CELSR1: variants seen among roughly 807,000 people sequenced by gnomAD.
The protein encoded by CELSR1 is adhesion G protein-coupled receptor C1.
A neutral mutation model predicts 249.1 loss-of-function variants in CELSR1; 110 were observed. The observed-to-expected ratio is 0.44, with a 90% CI of 0.38 to 0.52. The LOEUF is 0.52. CELSR1 is among the 20% of genes least tolerant of loss of function. The pLI is 0.00. For synonymous variants in CELSR1, 2,113 were observed against 1,900.0 expected (o/e 1.11, Z -2.92); for missense variants, 4,109 against 4,296.4 (o/e 0.96, Z 1.22).
At chr22:46,385,456 C>A (rs1440061867) in intron 19 of CELSR1, among the ~76,000 whole-genome samples, 1 of 152,148 alleles carries the variant, frequency 6.6e-6, no homozygotes, top group East Asian at 1.9e-4. Flanking sequence ...GTACTTACAC[C>A]TGTCTACAGT....
At position 46,430,065 on chromosome 22, in the gene CELSR1, G is replaced by A. The variant is rs1462343677; in HGVS notation, c.4611+3328C>T. Among the ~76,000 whole-genome samples the A allele has an allele frequency of 1.3e-5, 2 of 152,200 alleles. No individual in the cohort carries two copies. The highest frequency in any genetic ancestry group is 2.9e-5 in the Non-Finnish European group (2 of 68,028). ...GTGGGTGGGGGAAGGGTCCCCGCAG[G>A]TTGCACGTGGAGGCAGTGCAGGAGG... On this transcript the variant is annotated intron_variant, in intron 5 of 34. Transcript: ENST00000674500. This position sits in a 1 kb window ranked among gnomAD's most constrained non-coding sequence, Gnocchi z 4.6.
intron 20 of CELSR1, among the ~76,000 whole-genome samples, chr22:46,383,736 G>T (rs1321997415): frequency 1.3e-5 from 2 of 152,092 alleles, no homozygotes; most frequent in African/African-American, 4.8e-5. Flanking sequence ...TCTCTATGTT[G>T]CCCAGGTTGG....
rs1212905755 is a variant in CELSR1 at position 46,484,043 on chromosome 22, G to A, written c.3545-19698C>T. 3.9e-5 allele frequency among the ~76,000 whole-genome samples: 6 copies of A among 152,208 alleles called. No individual in the cohort carries two copies. Among genetic ancestry groups the A allele is most frequent in the African/African-American group, 1.2e-4 (5 of 41,450 alleles). On this transcript the variant is annotated intron_variant, in intron 1 of 34. Coordinates refer to ENST00000674500, the MANE Select transcript of CELSR1 (RefSeq NM_001378328.1). This position sits in a 1 kb window ranked among gnomAD's most constrained non-coding sequence, Gnocchi z 4.5. ...ACAACTGTCAATTTCACGGAGCACA[G>A]AACATTCCCAGGCTCCCACGGGCTC...
chr22:46,400,552 G>A (rs543093779), intron 9 of CELSR1, among the ~76,000 whole-genome samples: 3 of 152,182 alleles, frequency 2.0e-5, no homozygotes, highest in Admixed American at 6.5e-5. Context: ...CAGCAGAATC[G>A]CTTGAACCTG....
rs1023044676 is a variant in CELSR1, at chr22:46,362,836, C to T, written c.*387G>A. On this transcript the variant is annotated 3_prime_UTR_variant, in exon 35 of 35. Transcript: ENST00000674500. ...TGCCCGCCTGGGCGGGGCTGGACCG[C>T]GGTCTTTGGTCTGTGCCCGGCGTTC... The T allele has an allele frequency of 8.9e-5, 30 of 337,720 alleles. No homozygotes were observed. Among genetic ancestry groups the T allele is most frequent in the African/African-American group, 4.2e-4 (20 of 48,104 alleles). 20.9% of individuals were successfully genotyped at this position (337,720 alleles called of 1,614,324 possible). A position where few individuals can be genotyped will look rare whatever the true frequency, so the allele number is the denominator to read the frequency against.
chr22:46,509,808 C>T (rs897228337), intron 1 of CELSR1, among the ~76,000 whole-genome samples: 1 of 152,084 alleles, frequency 6.6e-6, no homozygotes, highest in African/African-American at 2.4e-5. Flanking sequence ...GTAGCAGGTG[C>T]GGCAGGGCAG....
At position 46,429,800 on chromosome 22, in the gene CELSR1, C is replaced by T. The variant is rs1569156871; in HGVS notation, c.4611+3593G>A. 6.6e-6 allele frequency among the ~76,000 whole-genome samples: 1 copy of T among 152,206 alleles called. No homozygotes were observed. The highest frequency in any genetic ancestry group is 1.5e-5 in the Non-Finnish European group (1 of 68,024). On this transcript the variant is annotated intron_variant, in intron 5 of 34. Transcript: ENST00000674500. This position sits in a 1 kb window ranked among gnomAD's most constrained non-coding sequence, Gnocchi z 4.1. ...TCTCCTGTGGCTTCTGACCATGACCCCTTCTTTCTGGGCTCCAATCTGCCC... is the reference window on the plus strand; with the variant it reads ...TCTCCTGTGGCTTCTGACCATGACCTCTTCTTTCTGGGCTCCAATCTGCCC...
At chr22:46,385,606 C>G (rs528123268) in intron 19 of CELSR1, among the ~76,000 whole-genome samples, 1 of 151,980 alleles carries the variant, frequency 6.6e-6, no homozygotes, top group Non-Finnish European at 1.5e-5. Flanking sequence ...GCCACGGGTA[C>G]GTCATCACAG....
At chr22:46,416,152 C>A (rs1036398733) in intron 5 of CELSR1, among the ~76,000 whole-genome samples, 2 of 151,730 alleles carry the variant, frequency 1.3e-5, no homozygotes, top group Admixed American at 1.3e-4. Context: ...CCTCACATTT[C>A]TAAGAGGAAT....
Position 46,436,920 on chromosome 22 carries a change from G to A in CELSR1, c.4407-631C>T, listed in dbSNP as rs2079669027. Among the ~76,000 whole-genome samples the A allele has an allele frequency of 2.0e-5, 3 of 152,156 alleles. No individual in the cohort carries two copies. The highest frequency in any genetic ancestry group is 2.0e-4 in the Admixed American group (3 of 15,280). Reference sequence around the variant, plus strand: ...TCTACCTTGCCCTTACCTCCCATCAGCCTATGACATCACTCAGTTAATTTC... The same window carrying A: ...TCTACCTTGCCCTTACCTCCCATCAACCTATGACATCACTCAGTTAATTTC... On this transcript the variant is annotated intron_variant, in intron 3 of 34. Coordinates refer to ENST00000674500, the MANE Select transcript of CELSR1 (RefSeq NM_001378328.1). This position sits in a 1 kb window ranked among gnomAD's most constrained non-coding sequence, Gnocchi z 5.9.
chr22:46,363,937 C>G lies in CELSR1; in HGVS notation c.9035+59G>C, dbSNP rs1246360411. 34 of 1,491,978 alleles carry G rather than the reference C, an allele frequency of 2.3e-5. No homozygotes were observed. In the South Asian group the frequency reaches 4.3e-4, roughly 19 times the overall value. 92.4% of individuals were successfully genotyped at this position (1,491,978 alleles called of 1,614,324 possible). A position where few individuals can be genotyped will look rare whatever the true frequency, so the allele number is the denominator to read the frequency against. ...TCCCTGACCACTGCCCCCTCTCTCT[C>G]CTGACTCAGGACAAGGGGGAAGTGG... On this transcript the variant is annotated intron_variant, in intron 34 of 34. Coordinates refer to ENST00000674500, the MANE Select transcript of CELSR1 (RefSeq NM_001378328.1). This position sits in a 1 kb window ranked among gnomAD's most constrained non-coding sequence, Gnocchi z 4.3.
chr22:46,450,281 G>A (rs1481468967), intron 2 of CELSR1, among the ~76,000 whole-genome samples: 1 of 152,258 alleles, frequency 6.6e-6, no homozygotes, highest in East Asian at 1.9e-4. Context: ...ACAGAGCTGT[G>A]GGGGAGGACG....
chr22:46,384,026 G>A (rs562267716), intron 20 of CELSR1, among the ~76,000 whole-genome samples: 17 of 150,962 alleles, frequency 1.1e-4, no homozygotes, highest in Admixed American at 9.2e-4. Context: ...CCTCTGCCTC[G>A]TGGGCTCAAG....
intron 1 of CELSR1, among the ~76,000 whole-genome samples, chr22:46,521,379 C>G (rs1403117810): frequency 6.6e-6 from 1 of 152,084 alleles, no homozygotes; most frequent in Admixed American, 6.6e-5. Context: ...GTGGCGGGCA[C>G]CTGTAGTCCC....
At position 46,464,328 on chromosome 22, in the gene CELSR1, T is replaced by A. The variant is rs985532503; in HGVS notation, c.3562A>T (p.Thr1188Ser). ...GTGACACGCAGGGTGCAGAAGGCCG[T>A]GACGCTGTGGATGCCATCTGCAGAC... ...VSVSDGIHSV[T>S]AFCTLRVTII... The change falls in exon 2 of 35, where the codon ACG becomes TCG. Residue 1188 changes from threonine (T) to serine (S), a missense_variant. Thr to Ser is a moderately conservative substitution (Grantham distance 58). Transcript: ENST00000674500. The surrounding 1 kb of genome is among the most constrained non-coding windows in gnomAD (Gnocchi z 8.5). The A allele has an allele frequency of 9.3e-6, 15 of 1,610,722 alleles. No homozygotes were observed. The East Asian group carries it at 2.9e-4, about 31-fold the overall frequency.
rs6008796 is a variant in CELSR1 at position 46,393,037 on chromosome 22, A to T, written c.5964+1105T>A. Among the ~76,000 whole-genome samples, 2,690 of 152,230 alleles carry T rather than the reference A, an allele frequency of 0.018. 89 individuals are homozygous for T. Among genetic ancestry groups the T allele is most frequent in the African/African-American group, 0.061 (2,520 of 41,526 alleles). Reference sequence around the variant, plus strand: ...GACACAAGTCCCATTTGCTGTTGGAACCACCGCAGGCACTGGGGGGGGACA... The same window carrying T: ...GACACAAGTCCCATTTGCTGTTGGATCCACCGCAGGCACTGGGGGGGGACA... On this transcript the variant is annotated intron_variant, in intron 14 of 34. Coordinates refer to ENST00000674500, the MANE Select transcript of CELSR1 (RefSeq NM_001378328.1). The surrounding 1 kb of genome is among the most constrained non-coding windows in gnomAD (Gnocchi z 4.1).
chr22:46,493,710 C>A (rs1159512455), intron 1 of CELSR1, among the ~76,000 whole-genome samples: 1 of 152,080 alleles, frequency 6.6e-6, no homozygotes, highest in Non-Finnish European at 1.5e-5. Flanking sequence ...GTGCTGTTCT[C>A]GTCATAGTGA....
At position 46,383,619 on chromosome 22, in the gene CELSR1, C is replaced by T. The variant is rs1249794791; in HGVS notation, c.6883+924G>A. On this transcript the variant is annotated intron_variant, in intron 20 of 34. Coordinates refer to ENST00000674500, the MANE Select transcript of CELSR1 (RefSeq NM_001378328.1). The stretch of plus-strand genomic sequence containing the variant: ...ACAGCTCACTGCAGCCTCCATCTCC[C>T]GGACTCAAGCAATCCTCCCGCCTCA... 5.3e-5 allele frequency among the ~76,000 whole-genome samples: 8 copies of T among 152,184 alleles called. No homozygotes were observed. The East Asian group carries it at 5.8e-4, about 11-fold the overall frequency.
At chr22:46,452,792 T>C (rs999423539) in intron 2 of CELSR1, among the ~76,000 whole-genome samples, 5 of 151,730 alleles carry the variant, frequency 3.3e-5, no homozygotes, top group Non-Finnish European at 5.9e-5. Context: ...GGTCCTGGAG[T>C]GAGGGGGACG....
Sources: gnomAD v4.1 joint callset for allele counts (sites outside exome capture counted in the v4.1 genomes callset) on GRCh38, gnomAD v4.1.1 for gene constraint, Gnocchi (gnomAD v3.1) non-coding constraint, MANE v1.5 for transcripts, NCBI Gene and HGNC (gene_info 2026-07-23, HGNC 2026-07-21) for gene names.